Variants in GABRP observed in about 807,000 individuals in gnomAD.
GABRP encodes the protein gamma-aminobutyric acid type A receptor subunit pi.
Under a neutral mutation model 47.8 loss-of-function variants are expected in GABRP, and 52 were observed. The ratio of observed to expected loss-of-function variants is 1.09; its 90% confidence interval spans 0.87 to 1.37. GABRP has a LOEUF of 1.37. Ranked by LOEUF, GABRP falls within the 40% of genes most tolerant of loss-of-function variation. The pLI, the probability that GABRP is intolerant of heterozygous loss-of-function variation, is 0.00. For missense variants in GABRP, 525 were observed against 542.8 expected, an observed-to-expected ratio of 0.97 and a Z score of 0.33; for synonymous variants, 221 against 205.8, an observed-to-expected ratio of 1.07 and a Z score of -0.63.
chr5:170,805,702 A>AT lies in GABRP; in HGVS notation c.542-10dup, dbSNP rs1327949694. On this transcript the variant is annotated splice_polypyrimidine_tract_variant and intron_variant, in intron 6 of 9. Coordinates refer to ENST00000265294, the MANE Select transcript of GABRP (RefSeq NM_014211.3). ...ACACCCTTGCACTGACCAGGGCTCC[A>AT]TTTTATTTGCCAGGGGGCTATGATG... 2 of 1,613,924 alleles carry AT rather than the reference A, an allele frequency of 1.2e-6. No homozygotes were observed. Among genetic ancestry groups the AT allele is most frequent in the African/African-American group, 2.7e-5 (2 of 74,904 alleles).
intron 6 of GABRP, among the ~76,000 whole-genome samples, chr5:170,805,350 T>A (rs1765702053): frequency 6.6e-6 from 1 of 152,146 alleles, no homozygotes; most frequent in African/African-American, 2.4e-5. Flanking sequence ...CCTGAAAATA[T>A]CATCAGAGCT....
At chr5:170,787,031 T>C (rs903084685) in intron 1 of GABRP, among the ~76,000 whole-genome samples, 1 of 152,162 alleles carries the variant, frequency 6.6e-6, no homozygotes, top group African/African-American at 2.4e-5. Flanking sequence ...AGAGCAATTT[T>C]GGGTCATAGC....
intron 6 of GABRP, among the ~76,000 whole-genome samples, chr5:170,799,875 G>A (rs961129445): frequency 1.5e-4 from 23 of 152,236 alleles, no homozygotes; most frequent in South Asian, 4.1e-4. Context: ...GTCCATGCTC[G>A]TGGATAGGAA....
intron 3 of GABRP, among the ~76,000 whole-genome samples, chr5:170,793,216 T>C (rs1435781080): frequency 6.6e-6 from 1 of 152,216 alleles, no homozygotes; most frequent in African/African-American, 2.4e-5. Flanking sequence ...TGATCTCCAC[T>C]TGCAGGTAAG....
At chr5:170,806,214 C>G (rs1335289935) in intron 7 of GABRP, among the ~76,000 whole-genome samples, 2 of 152,176 alleles carry the variant, frequency 1.3e-5, no homozygotes, top group Non-Finnish European at 2.9e-5. Flanking sequence ...AAGAAGACAG[C>G]AGCAATGCCC....
At chr5:170,791,737 A>G (rs1765276238) in intron 3 of GABRP, among the ~76,000 whole-genome samples, 2 of 152,216 alleles carry the variant, frequency 1.3e-5, no homozygotes, top group African/African-American at 4.8e-5. Context: ...GATCTATGGC[A>G]CTTAAAGTAG....
At chr5:170,787,275 G>A (rs947491622) in intron 1 of GABRP, among the ~76,000 whole-genome samples, 2 of 152,246 alleles carry the variant, frequency 1.3e-5, no homozygotes, top group African/African-American at 4.8e-5. Flanking sequence ...TCTAGAAAGT[G>A]GCTTGTTTCA....
At chr5:170,809,920 C>A in intron 9 of GABRP, 165 bp downstream of exon 9, 4 of 721,420 alleles carry the variant, frequency 5.5e-6, no homozygotes, top group Admixed American at 4.1e-5. Flanking sequence ...GTCATGGTGC[C>A]CCTTGAAAAA....
At chr5:170,790,363 G>A (rs1383516416) in intron 3 of GABRP, among the ~76,000 whole-genome samples, 2 of 152,128 alleles carry the variant, frequency 1.3e-5, no homozygotes, top group South Asian at 2.1e-4. Flanking sequence ...TGAATGAAGT[G>A]TGTAAGCCTG....
chr5:170,811,915 G>T, intron 9 of GABRP, 41 bp from the exon 10 acceptor site: 1 of 1,565,170 alleles, frequency 6.4e-7, no homozygotes, highest in Non-Finnish European at 8.7e-7. Flanking sequence ...TTATTTTGCT[G>T]AGTCAAGTCT....
chr5:170,799,736 G>A (rs1253353230), intron 6 of GABRP, among the ~76,000 whole-genome samples: 1 of 152,122 alleles, frequency 6.6e-6, no homozygotes, highest in Non-Finnish European at 1.5e-5. Context: ...TAGGTTGCCT[G>A]TTCACTCTGA....
chr5:170,805,147 A>G (rs1405782598), intron 6 of GABRP, among the ~76,000 whole-genome samples: 1 of 151,634 alleles, frequency 6.6e-6, no homozygotes, highest in Non-Finnish European at 1.5e-5. Flanking sequence ...TTACAAGAAC[A>G]TTAGTGACAT....
intron 9 of GABRP, 130 bp from the exon 10 acceptor site, chr5:170,811,826 A>C: frequency 2.4e-6 from 2 of 846,216 alleles, no homozygotes; most frequent in Non-Finnish European, 1.8e-6. Context: ...TTTCTGAAGC[A>C]CTCAATGCCA....
Position 170,812,667 on chromosome 5 carries a change from A to C in GABRP, c.*409A>C, listed in dbSNP as rs576810621. 2 of 165,570 alleles carry C rather than the reference A, an allele frequency of 1.2e-5. No homozygotes were observed. The highest frequency in any genetic ancestry group is 1.6e-4 in the East Asian group (1 of 6,120). The allele number at this position is 165,570 out of a possible 1,614,324, so 10.3% of individuals were successfully genotyped here. A position where few individuals can be genotyped will look rare whatever the true frequency, so the allele number is the denominator to read the frequency against. On this transcript the variant is annotated 3_prime_UTR_variant, in exon 10 of 10. Transcript: ENST00000265294. ...TACATGTTTTTTACTAAATCTCTGCAGTGCTTATAAAATACATTGTTGCCT... is the reference window on the plus strand; with the variant it reads ...TACATGTTTTTTACTAAATCTCTGCCGTGCTTATAAAATACATTGTTGCCT...
At position 170,797,473 on chromosome 5, in the gene GABRP, A is replaced by G; in HGVS notation, c.466A>G (p.Thr156Ala). 2 of 1,608,344 alleles carry G rather than the reference A, an allele frequency of 1.2e-6. No individual in the cohort carries two copies. The highest frequency in any genetic ancestry group is 1.7e-6 in the Non-Finnish European group (2 of 1,174,754). The change falls in exon 6 of 10, where the codon ACA becomes GCA. Residue 156 changes from threonine to alanine, a missense_variant. Thr to Ala is a moderately conservative substitution (Grantham distance 58, BLOSUM62 0). Transcript: ENST00000265294. ...GTVLYALRIT[T>A]TVACNMDLSK... Reference sequence around the variant, plus strand: ...CCTGTTTTTCCCTCTTAGAATCACGACAACTGTTGCATGTAACATGGATCT... The same window carrying G: ...CCTGTTTTTCCCTCTTAGAATCACGGCAACTGTTGCATGTAACATGGATCT...
At chr5:170,795,500 T>G (rs1561810026) in intron 5 of GABRP, 75 bp downstream of exon 5, 2 of 1,242,562 alleles carry the variant, frequency 1.6e-6, no homozygotes, top group Non-Finnish European at 2.4e-6. Context: ...CTTGGGTAGT[T>G]GTGACCAGAA....
intron 6 of GABRP, among the ~76,000 whole-genome samples, chr5:170,805,001 ATATATATTATATATATTATAATATT>A (rs1475990448): frequency 9.4e-6 from 1 of 105,910 alleles, no homozygotes; most frequent in Non-Finnish European, 2.1e-5. Context: ...ATTATATATT[ATATATATTATATATATTATAATATT>A]TATATATTAT....
intron 1 of GABRP, among the ~76,000 whole-genome samples, chr5:170,785,248 T>A (rs975571491): frequency 1.3e-5 from 2 of 152,220 alleles, no homozygotes; most frequent in African/African-American, 4.8e-5. Flanking sequence ...CCAGTTCAGC[T>A]TGGGGGTGCT....
intron 3 of GABRP, among the ~76,000 whole-genome samples, chr5:170,794,012 G>A (rs1356676597): frequency 6.6e-6 from 1 of 152,124 alleles, no homozygotes; most frequent in African/African-American, 2.4e-5. Context: ...ACCTATGTAT[G>A]TGTGCATATT....
Sources: gnomAD v4.1 joint callset for allele counts (sites outside exome capture counted in the v4.1 genomes callset) on GRCh38, gnomAD v4.1.1 for gene constraint, MANE v1.5 for transcripts, NCBI Gene and HGNC (gene_info 2026-07-23, HGNC 2026-07-21) for gene names.